RUNX2: variants seen among roughly 807,000 people sequenced by gnomAD.
RUNX2 encodes the protein runt-related transcription factor 2.
Under a neutral mutation model 51.7 loss-of-function variants are expected in RUNX2, and 10 were observed. The ratio of observed to expected loss-of-function variants is 0.19; its 90% CI spans 0.12 to 0.33. RUNX2 has a LOEUF of 0.33. Among genes scored for constraint, RUNX2 ranks in the 10% least tolerant of loss-of-function variants. The pLI is 1.00. For synonymous variants in RUNX2, 276 were observed against 273.6 expected (o/e 1.01, Z -0.09); for missense variants, 562 against 691.3 (o/e 0.81, Z 2.10).
chr6:45,380,725 T>C (rs1455006670), intron 2 of RUNX2, among the ~76,000 whole-genome samples: 3 of 152,178 alleles, frequency 2.0e-5, no homozygotes, highest in Admixed American at 2.0e-4. Context: ...TACAGGCGTG[T>C]GCCACCACGC....
At chr6:45,458,559 T>A (rs1033555867) in intron 5 of RUNX2, among the ~76,000 whole-genome samples, 9 of 152,200 alleles carry the variant, frequency 5.9e-5, no homozygotes, top group African/African-American at 2.2e-4. Context: ...TATGATCTCC[T>A]TCAGTTTCTA....
chr6:45,497,833 A>G (rs1800690860), intron 6 of RUNX2, among the ~76,000 whole-genome samples: 1 of 152,210 alleles, frequency 6.6e-6, no homozygotes, highest in Non-Finnish European at 1.5e-5. Context: ...GTGATCAGTG[A>G]ATAAATGGGG....
chr6:45,354,441 G>A (rs192341491), intron 2 of RUNX2, among the ~76,000 whole-genome samples: 81 of 152,166 alleles, frequency 5.3e-4, no homozygotes, highest in Admixed American at 3.3e-3. Flanking sequence ...TGTATGCCTC[G>A]CTTGGAAAGG....
intron 5 of RUNX2, among the ~76,000 whole-genome samples, chr6:45,445,794 C>G (rs1798979099): frequency 6.7e-6 from 1 of 149,386 alleles, no homozygotes; most frequent in Admixed American, 6.7e-5. Flanking sequence ...CCCCACTGTT[C>G]TCTGTTTCCC....
At chr6:45,500,540 C>G (rs1373846153) in intron 6 of RUNX2, among the ~76,000 whole-genome samples, 1 of 152,122 alleles carries the variant, frequency 6.6e-6, no homozygotes, top group Non-Finnish European at 1.5e-5. Context: ...ATCCTCAGAG[C>G]TGAAATTGGA....
intron 2 of RUNX2, chr6:45,421,373 A>C (rs1268776596): frequency 6.6e-6 from 1 of 152,014 alleles, no homozygotes; most frequent in East Asian, 1.9e-4. Flanking sequence ...AGTTCCTAAA[A>C]ACTATTTTGA....
intron 2 of RUNX2, among the ~76,000 whole-genome samples, chr6:45,420,195 C>T (rs951487775): frequency 8.5e-5 from 13 of 152,290 alleles, no homozygotes; most frequent in Admixed American, 8.5e-4. Context: ...ATCTCTTCAG[C>T]GGGGCGATCC....
intron 7 of RUNX2, among the ~76,000 whole-genome samples, chr6:45,515,792 G>A (rs1231229531): frequency 1.3e-5 from 2 of 152,138 alleles, no homozygotes; most frequent in East Asian, 1.9e-4. Context: ...AAAGCATTAA[G>A]AGAAAATAAC....
intron 8 of RUNX2, 37 bp from the exon 9 acceptor site, chr6:45,546,790 A>T: frequency 6.8e-7 from 1 of 1,466,936 alleles, no homozygotes. Context: ...ATTGATATTT[A>T]CAGATTTTTC....
intron 7 of RUNX2, among the ~76,000 whole-genome samples, chr6:45,514,311 G>A (rs189885669): frequency 2.0e-5 from 3 of 152,294 alleles, no homozygotes; most frequent in Admixed American, 1.3e-4. Context: ...ATTATTTCAA[G>A]TTACTTTACT....
At chr6:45,501,607 T>A (rs1582179484) in intron 6 of RUNX2, among the ~76,000 whole-genome samples, 2 of 152,348 alleles carry the variant, frequency 1.3e-5, no homozygotes, top group East Asian at 3.9e-4. Context: ...TATATATTAA[T>A]GACCACTTTC....
chr6:45,334,969 A>C (rs1026702808), intron 2 of RUNX2, among the ~76,000 whole-genome samples: 2 of 151,308 alleles, frequency 1.3e-5, no homozygotes, highest in Non-Finnish European at 3.0e-5. Context: ...ACAATAATTA[A>C]AAACTGATAT....
chr6:45,545,309 G>A, intron 8 of RUNX2, 27 bp downstream of exon 8: 2 of 1,548,934 alleles, frequency 1.3e-6, no homozygotes, highest in Non-Finnish European at 1.7e-6. Flanking sequence ...TTGCTGGGCT[G>A]GGCAGGGCTG....
chr6:45,440,582 A>G (rs999205680), intron 5 of RUNX2, among the ~76,000 whole-genome samples: 8 of 152,250 alleles, frequency 5.3e-5, no homozygotes, highest in Admixed American at 2.6e-4. Flanking sequence ...ACATACATTC[A>G]TGGTCATGGC....
intron 5 of RUNX2, among the ~76,000 whole-genome samples, chr6:45,448,788 T>C (rs1799075887): frequency 1.3e-5 from 2 of 152,176 alleles, no homozygotes; most frequent in African/African-American, 2.4e-5. Context: ...ATACTCAGGA[T>C]GATTAATCTG....
At chr6:45,510,781 A>G (rs754512771) in intron 6 of RUNX2, among the ~76,000 whole-genome samples, 36 of 151,824 alleles carry the variant, frequency 2.4e-4, no homozygotes, top group Non-Finnish European at 4.1e-4. Flanking sequence ...ATTAATGCCT[A>G]TTAAGTCTAT....
Position 45,395,329 on chromosome 6 carries a change from G to A in RUNX2, c.59-27264G>A, listed in dbSNP as rs968284215. Among the ~76,000 whole-genome samples, 7 of 152,160 alleles carry A rather than the reference G, an allele frequency of 4.6e-5. No individual in the cohort carries two copies. The East Asian group carries it at 1.3e-3, about 29-fold the overall frequency. ...ACATAGAAATAATTGATGACTATTA[G>A]AATCTGAACATCTATCAGCTGAAGT... On this transcript the variant is annotated intron_variant, in intron 2 of 8. Coordinates refer to ENST00000647337, the MANE Select transcript of RUNX2 (RefSeq NM_001024630.4).
chr6:45,334,824 T>C (rs1194723922), intron 2 of RUNX2, among the ~76,000 whole-genome samples: 4 of 151,166 alleles, frequency 2.6e-5, no homozygotes, highest in Non-Finnish European at 5.9e-5. Context: ...AATCAAAATT[T>C]TTTTGCATGT....
intron 5 of RUNX2, among the ~76,000 whole-genome samples, chr6:45,448,361 C>A (rs1005629069): frequency 6.6e-6 from 1 of 152,168 alleles, no homozygotes; most frequent in East Asian, 1.9e-4. Context: ...GGTGTCCACA[C>A]GTTTCTGTCA....
Sources: allele counts gnomAD v4.1 joint callset (sites outside exome capture counted in the v4.1 genomes callset), GRCh38; gene constraint gnomAD v4.1.1; transcripts MANE v1.5; gene names NCBI Gene and HGNC (gene_info 2026-07-23, HGNC 2026-07-21).